Variants in IPCEF1 observed in about 807,000 individuals in gnomAD.
IPCEF1 encodes the protein interaction protein for cytohesin exchange factors 1, also known as interactor protein for cytohesin exchange factors 1.
IPCEF1 carries 31 observed loss-of-function variants against 50.9 expected under a neutral mutation model. The ratio of observed to expected loss-of-function variants is 0.61; its 90% confidence interval spans 0.46 to 0.82. The LOEUF (loss-of-function observed/expected upper bound fraction) is 0.82. Ranked by LOEUF, IPCEF1 falls within the 40% of genes least tolerant of loss-of-function variation. The pLI, the probability that IPCEF1 is intolerant of heterozygous loss-of-function variation, is 0.00. For synonymous variants in IPCEF1, 181 were observed against 192.0 expected, an observed-to-expected ratio of 0.94 and a Z score of 0.47; for missense variants, 458 against 514.0, an observed-to-expected ratio of 0.89 and a Z score of 1.05.
At chr6:154,181,830 T>C (rs1035460762) in intron 10 of IPCEF1, among the ~76,000 whole-genome samples, 3 of 152,124 alleles carry the variant, frequency 2.0e-5, no homozygotes, top group African/African-American at 7.2e-5. Flanking sequence ...AACTGGACAC[T>C]TGGGGATCAT....
chr6:154,335,837 G>A (rs74783301), intron 1 of IPCEF1, among the ~76,000 whole-genome samples: 3,221 of 152,090 alleles, frequency 0.021, 60 homozygotes, highest in Non-Finnish European at 0.032. Context: ...ATGAGCAAAG[G>A]ACATGAATAG....
intron 3 of IPCEF1, among the ~76,000 whole-genome samples, chr6:154,262,995 C>CCAT (rs1781642112): frequency 6.6e-6 from 1 of 151,738 alleles, no homozygotes; most frequent in East Asian, 1.9e-4. Flanking sequence ...AAGATGGTCT[C>CCAT]CATCTCCTGA....
At chr6:154,268,406 C>A (rs1185753557) in intron 2 of IPCEF1, among the ~76,000 whole-genome samples, 2 of 152,228 alleles carry the variant, frequency 1.3e-5, no homozygotes, top group Non-Finnish European at 2.9e-5. Flanking sequence ...CAGAATCTTT[C>A]TTTTGTATCC....
chr6:154,286,846 A>G (rs1033710501), intron 2 of IPCEF1, among the ~76,000 whole-genome samples: 3 of 152,256 alleles, frequency 2.0e-5, no homozygotes, highest in African/African-American at 7.2e-5. Context: ...GCCGATGACA[A>G]GATCATTCAT....
At position 154,166,799 on chromosome 6, in the gene IPCEF1, C is replaced by T. The variant is rs1032934709; in HGVS notation, c.1104+1121G>A. On this transcript the variant is annotated intron_variant, in intron 11 of 11. Transcript: ENST00000367220. ...AAGAAGACAGTAAAATCCCAACACG[C>T]TATGACATATTACATTGAATAATCA... 8.5e-5 allele frequency among the ~76,000 whole-genome samples: 13 copies of T among 152,276 alleles called. No homozygotes were observed. The East Asian group carries it at 2.5e-3, about 29-fold the overall frequency.
chr6:154,185,911 C>A (rs2128574219), intron 10 of IPCEF1, among the ~76,000 whole-genome samples: 1 of 152,336 alleles, frequency 6.6e-6, no homozygotes, highest in South Asian at 2.1e-4. Context: ...AAAGCTAAAG[C>A]ATTTGGCTGA....
chr6:154,180,414 A>ATTTTTTT (rs761333730), intron 10 of IPCEF1, among the ~76,000 whole-genome samples: 71 of 65,252 alleles, frequency 1.1e-3, no homozygotes, highest in African/African-American at 2.8e-3. Flanking sequence ...ATATATATAT[A>ATTTTTTT]TTTTTTTTTT....
intron 3 of IPCEF1, among the ~76,000 whole-genome samples, chr6:154,250,688 T>G (rs1001508439): frequency 1.3e-5 from 2 of 152,230 alleles, no homozygotes; most frequent in African/African-American, 4.8e-5. Context: ...ATAATCCATA[T>G]AGTAGTTGTT....
At position 154,216,125 on chromosome 6, in the gene IPCEF1, A is replaced by T. The variant is rs192849614; in HGVS notation, c.393-1849T>A. Among the ~76,000 whole-genome samples, 1,211 of 152,336 alleles carry T rather than the reference A, an allele frequency of 7.9e-3. 11 individuals are homozygous for T. Among genetic ancestry groups the T allele is most frequent in the Non-Finnish European group, 8.5e-3 (577 of 68,032 alleles). ...TCACCCAACAATTCCAATCATAAAT[A>T]TCAATCCTATAGAAACACACTTTCA... On this transcript the variant is annotated intron_variant, in intron 7 of 11. Transcript: ENST00000367220.
chr6:154,325,597 T>G (rs1019508669), intron 1 of IPCEF1, among the ~76,000 whole-genome samples: 8 of 152,188 alleles, frequency 5.3e-5, no homozygotes, highest in African/African-American at 1.7e-4. Flanking sequence ...CAATCACTAC[T>G]TAAGGGCTGG....
At chr6:154,236,662 T>C (rs991898150) in intron 5 of IPCEF1, among the ~76,000 whole-genome samples, 4 of 152,212 alleles carry the variant, frequency 2.6e-5, no homozygotes, top group Non-Finnish European at 5.9e-5. Context: ...TGTGAAAATA[T>C]CAGTGGCTGA....
chr6:154,227,424 T>C (rs1779346582), intron 5 of IPCEF1, among the ~76,000 whole-genome samples: 1 of 151,412 alleles, frequency 6.6e-6, no homozygotes, highest in Non-Finnish European at 1.5e-5. Context: ...TTTATTCATC[T>C]AAAAATAAAA....
intron 5 of IPCEF1, 74 bp downstream of exon 5, chr6:154,246,517 A>G (rs1781058378): frequency 1.4e-6 from 2 of 1,475,514 alleles, no homozygotes; most frequent in Non-Finnish European, 9.1e-7. Context: ...GAACTTTCCC[A>G]TAGGGATCAC....
intron 1 of IPCEF1, among the ~76,000 whole-genome samples, chr6:154,300,231 G>T (rs2128674339): frequency 7.0e-6 from 1 of 141,998 alleles, no homozygotes; most frequent in South Asian, 2.2e-4. Flanking sequence ...TACTTATTCT[G>T]ATTCTTCAAC....
intron 1 of IPCEF1, among the ~76,000 whole-genome samples, chr6:154,337,767 G>A (rs1285206092): frequency 1.3e-5 from 2 of 152,198 alleles, no homozygotes; most frequent in Non-Finnish European, 2.9e-5. Flanking sequence ...GCTATATAAT[G>A]TGAGAAGAAA....
In IPCEF1 at chr6:154,155,839, T is replaced by C. The variant is rs1278490043; in HGVS notation, c.*3989A>G. Reference sequence around the variant, plus strand: ...GATAATGTACCTATGAATTTAAACATGTCTTAAATTTGAATAGCACTTCTT... The same window carrying C: ...GATAATGTACCTATGAATTTAAACACGTCTTAAATTTGAATAGCACTTCTT... On this transcript the variant is annotated 3_prime_UTR_variant, in exon 12 of 12. Coordinates refer to ENST00000367220, the MANE Select transcript of IPCEF1 (RefSeq NM_001130700.2). 1.3e-5 allele frequency: 2 copies of C among 152,224 alleles called. No homozygotes were observed. The highest frequency in any genetic ancestry group is 1.5e-5 in the Non-Finnish European group (1 of 68,042). 9.4% of individuals were successfully genotyped at this position (152,224 alleles called of 1,614,324 possible).
At chr6:154,335,469 C>T (rs1332600073) in intron 1 of IPCEF1, among the ~76,000 whole-genome samples, 1 of 152,184 alleles carries the variant, frequency 6.6e-6, no homozygotes, top group Non-Finnish European at 1.5e-5. Flanking sequence ...AGGAGAAGTT[C>T]CCCTTGGCCC....
At chr6:154,336,200 T>C (rs767658189) in intron 1 of IPCEF1, among the ~76,000 whole-genome samples, 3 of 152,156 alleles carry the variant, frequency 2.0e-5, no homozygotes, top group Non-Finnish European at 2.9e-5. Flanking sequence ...TCAGTATATA[T>C]AAGGAATACC....
chr6:154,317,548 C>CAAAAAAAAAA (rs71021041), intron 1 of IPCEF1, among the ~76,000 whole-genome samples: 4 of 16,316 alleles, frequency 2.5e-4, no homozygotes, highest in African/African-American at 9.0e-4. Context: ...GACTCCATCT[C>CAAAAAAAAAA]AAAAAAAAAA....
Sources: gnomAD v4.1 joint callset for allele counts (sites outside exome capture counted in the v4.1 genomes callset) on GRCh38, gnomAD v4.1.1 for gene constraint, MANE v1.5 for transcripts, NCBI Gene and HGNC (gene_info 2026-07-23, HGNC 2026-07-21) for gene names.